The following KMT2E variants were observed in gnomAD, a reference collection of about 807,000 sequenced individuals.
The protein encoded by KMT2E is lysine methyltransferase 2E (inactive).
In KMT2E, 30 loss-of-function variants were observed where a neutral mutation model predicts 184.6. The ratio of observed to expected loss-of-function variants is 0.16; its 90% CI spans 0.12 to 0.22. KMT2E has a LOEUF of 0.22. Ranked by LOEUF, KMT2E falls within the 10% of genes least tolerant of loss-of-function variation. KMT2E has a pLI of 1.00. For synonymous variants in KMT2E, 815 were observed against 776.5 expected, an observed-to-expected ratio of 1.05 and a Z score of -0.82; for missense variants, 2,023 against 2,237.4, an observed-to-expected ratio of 0.90 and a Z score of 1.93.
At chr7:105,025,625 A>C (rs914296043) in intron 1 of KMT2E, among the ~76,000 whole-genome samples, 5 of 152,206 alleles carry the variant, frequency 3.3e-5, no homozygotes, top group African/African-American at 1.2e-4. Flanking sequence ...TGCTTCCACC[A>C]GTTGAGATGA....
At chr7:105,080,727 A>G (rs1362918246) in intron 12 of KMT2E, among the ~76,000 whole-genome samples, 1 of 152,194 alleles carries the variant, frequency 6.6e-6, no homozygotes, top group Non-Finnish European at 1.5e-5. Context: ...CAAACCTAAG[A>G]AGGCCAGGCA....
Position 105,108,975 on chromosome 7 carries a change from G to A in KMT2E, c.3502G>A (p.Glu1168Lys). Residue 1168 changes from glutamate to lysine, a missense_variant, in exon 23 of 27, where the codon GAA becomes AAA. Transcript: ENST00000311117. The stretch of plus-strand genomic sequence containing the variant: ...ATTAGAATACCGTAAGAGACAACGT[G>A]AAGCTAGGAAAAGTGGCTCTAAGAC... Reference protein sequence around the residue: ...SLLEYRKRQREARKSGSKTEN... With the variant: ...SLLEYRKRQRKARKSGSKTEN... 6.2e-7 allele frequency: 1 copy of A among 1,613,092 alleles called. No individual in the cohort carries two copies. The highest frequency in any genetic ancestry group is 8.5e-7 in the Non-Finnish European group (1 of 1,179,116).
chr7:105,088,240 G>A (rs766789245), intron 13 of KMT2E, among the ~76,000 whole-genome samples: 1 of 152,152 alleles, frequency 6.6e-6, no homozygotes, highest in Non-Finnish European at 1.5e-5. Context: ...ATGAGAAGAA[G>A]AATAATACTC....
chr7:105,044,984 A>G (rs896583629), intron 3 of KMT2E, among the ~76,000 whole-genome samples: 2 of 152,158 alleles, frequency 1.3e-5, no homozygotes, highest in African/African-American at 4.8e-5. Context: ...GAAGGGGTCA[A>G]AGGTAGGGCC....
At chr7:105,015,266 T>A (rs534915375) in intron 1 of KMT2E, among the ~76,000 whole-genome samples, 1 of 152,276 alleles carries the variant, frequency 6.6e-6, no homozygotes, top group South Asian at 2.1e-4. Flanking sequence ...GCACAAATTC[T>A]ATGGCAGCAG....
At chr7:105,070,632 C>CAAAAA (rs57911728) in intron 6 of KMT2E, among the ~76,000 whole-genome samples, 9 of 59,492 alleles carry the variant, frequency 1.5e-4, no homozygotes, top group Non-Finnish European at 2.1e-4. Context: ...GACTGTGTCT[C>CAAAAA]AAAAAAAAAA....
In KMT2E at chr7:105,109,139, A is replaced by G. The variant is rs1158324386; in HGVS notation, c.3666A>G (p.Thr1222=). 2 of 1,614,084 alleles carry G rather than the reference A, an allele frequency of 1.2e-6. No individual in the cohort carries two copies. The highest frequency in any genetic ancestry group is 3.3e-5 in the Admixed American group (2 of 60,012). The change falls in exon 23 of 27, where the codon ACA becomes ACG. Residue 1222 remains threonine (T), a synonymous_variant. Transcript: ENST00000311117. ...TASLPLPTPA[T]VYNATSEETS... is the part of the protein sequence containing the mutation. ...GCCTACCTTTACCAACACCAGCTAC[A>G]GTTTATAATGCCACTTCTGAAGAAA...
intron 6 of KMT2E, among the ~76,000 whole-genome samples, chr7:105,067,622 T>A (rs868624888): frequency 1.7e-4 from 26 of 152,182 alleles, no homozygotes; most frequent in African/African-American, 6.0e-4. Context: ...TCAGTATATA[T>A]GTATTTGTGT....
At chr7:105,074,523 TA>T in intron 7 of KMT2E, 119 bp from the exon 8 acceptor site, 2 of 682,162 alleles carry the variant, frequency 2.9e-6, no homozygotes, top group Non-Finnish European at 4.5e-6. Flanking sequence ...GTGAACAAGT[TA>T]AAAAATGTGC....
chr7:105,021,882 T>C (rs1252138286), intron 1 of KMT2E, among the ~76,000 whole-genome samples: 1 of 152,154 alleles, frequency 6.6e-6, no homozygotes, highest in Non-Finnish European at 1.5e-5. Flanking sequence ...CAAGATATTT[T>C]TGGTTTTAAC....
chr7:105,039,770 A>G (rs767204543), intron 2 of KMT2E, among the ~76,000 whole-genome samples: 4 of 152,132 alleles, frequency 2.6e-5, no homozygotes, highest in Non-Finnish European at 4.4e-5. Context: ...CTGCTTTTCA[A>G]TATTTCAGGT....
At chr7:105,097,383 A>ATTATT (rs1434170222) in intron 15 of KMT2E, among the ~76,000 whole-genome samples, 1 of 151,882 alleles carries the variant, frequency 6.6e-6, no homozygotes, top group East Asian at 1.9e-4. Flanking sequence ...GAACCTGTTT[A>ATTATT]TTATTTTTTT....
intron 9 of KMT2E, among the ~76,000 whole-genome samples, chr7:105,076,445 G>A (rs1429077426): frequency 6.6e-6 from 1 of 152,164 alleles, no homozygotes; most frequent in African/African-American, 2.4e-5. Context: ...GCATAGTTGG[G>A]ATTCTAGAGA....
At position 105,085,089 on chromosome 7, in the gene KMT2E, A is replaced by G. The variant is rs187598739; in HGVS notation, c.1358+3292A>G. On this transcript the variant is annotated intron_variant, in intron 13 of 26. Transcript: ENST00000311117. ...GCTATATAGTTCGTCTGTTTTTTCA[A>G]ATTGTTGCAATTGTTGCAAATTTTC... 1.3e-4 allele frequency among the ~76,000 whole-genome samples: 20 copies of G among 152,054 alleles called. No individual in the cohort carries two copies. In the East Asian group the frequency reaches 3.9e-3, roughly 29 times the overall value.
At chr7:105,021,571 C>T (rs1163361526) in intron 1 of KMT2E, among the ~76,000 whole-genome samples, 2 of 152,092 alleles carry the variant, frequency 1.3e-5, no homozygotes, top group Admixed American at 6.5e-5. Flanking sequence ...TACAGATGGG[C>T]CTCACAGGAA....
At chr7:105,027,236 C>T (rs1795211859) in intron 1 of KMT2E, among the ~76,000 whole-genome samples, 1 of 151,800 alleles carries the variant, frequency 6.6e-6, no homozygotes, top group South Asian at 2.1e-4. Context: ...TGCCATGTCA[C>T]CATGTCTGGC....
intron 15 of KMT2E, among the ~76,000 whole-genome samples, chr7:105,099,737 T>C (rs571313475): frequency 3.3e-5 from 5 of 152,312 alleles, no homozygotes; most frequent in Admixed American, 3.3e-4. Context: ...GACAAGTTTG[T>C]TTCTTCTGGA....
chr7:105,023,350 T>C (rs1278738735), intron 1 of KMT2E, among the ~76,000 whole-genome samples: 2 of 130,820 alleles, frequency 1.5e-5, no homozygotes, highest in South Asian at 4.8e-4. Context: ...TGCAGTGAGC[T>C]GAGATTGCAC....
intron 3 of KMT2E, among the ~76,000 whole-genome samples, chr7:105,060,112 C>G (rs1294542794): frequency 6.7e-6 from 1 of 149,568 alleles, no homozygotes; most frequent in Non-Finnish European, 1.5e-5. Flanking sequence ...TCTCCTGCCT[C>G]AGCCCCCAAG....
Sources: gnomAD v4.1 joint callset for allele counts (sites outside exome capture counted in the v4.1 genomes callset) on GRCh38, gnomAD v4.1.1 for gene constraint, MANE v1.5 for transcripts, NCBI Gene and HGNC (gene_info 2026-07-23, HGNC 2026-07-21) for gene names.